Variants in OTOG observed in about 807,000 individuals in gnomAD.
The protein encoded by OTOG is otogelin.
OTOG carries 296 observed loss-of-function variants against 313.8 expected under a neutral mutation model. The observed-to-expected ratio is 0.94, with a 90% CI of 0.86 to 1.04. OTOG has a LOEUF of 1.04. OTOG is among the 50% of genes least tolerant of loss of function. The pLI, the probability that OTOG is intolerant of heterozygous loss-of-function variation, is 0.00. For missense variants in OTOG, 3,948 were observed against 3,840.1 expected (o/e 1.03, Z -0.74); for synonymous variants, 1,533 against 1,554.9 (o/e 0.99, Z 0.33).
intron 39 of OTOG, among the ~76,000 whole-genome samples, chr11:17,617,412 T>A (rs1259840599): frequency 6.6e-6 from 1 of 152,236 alleles, no homozygotes; most frequent in East Asian, 1.9e-4. Flanking sequence ...TTTGGTAGAA[T>A]TCAACAGTGA....
At chr11:17,570,018 C>A (rs767100563) in intron 16 of OTOG, among the ~76,000 whole-genome samples, 195 bp from the exon 17 acceptor site, 71 of 152,198 alleles carry the variant, frequency 4.7e-4, no homozygotes, top group Non-Finnish European at 7.8e-4. Context: ...ATCTCTGGGT[C>A]CTGATTTCAT....
At position 17,640,788 on chromosome 11, in the gene OTOG, A is replaced by G; in HGVS notation, c.7979A>G (p.Glu2660Gly). Reference protein sequence around the residue: ...QLDEEFMHSVENVCGCAKYEC... With the variant: ...QLDEEFMHSVGNVCGCAKYEC... ...GATGAGGAGTTCATGCACAGCGTGG[A>G]GAATGTGTGTGGCTGCGCCAAGTAC... Residue 2660 changes from glutamate (E) to glycine (G), a missense_variant, in exon 50 of 56, where the codon GAG becomes GGG. By Grantham distance (98) the Glu-to-Gly change is moderately conservative. Transcript: ENST00000399397. 1 of 1,550,268 alleles carries G rather than the reference A, an allele frequency of 6.5e-7. No homozygotes were observed. Among genetic ancestry groups the G allele is most frequent in the Non-Finnish European group, 8.7e-7 (1 of 1,147,008 alleles).
At chr11:17,568,832 G>C (rs1212125848) in intron 15 of OTOG, among the ~76,000 whole-genome samples, 1 of 152,200 alleles carries the variant, frequency 6.6e-6, no homozygotes, top group Non-Finnish European at 1.5e-5. Flanking sequence ...GATGAGGTGG[G>C]GGAGGCCAGT....
Position 17,595,911 on chromosome 11 carries a change from G to A in OTOG, c.3409-127G>A, listed in dbSNP as rs1853086764. The A allele has an allele frequency of 8.7e-6, 6 of 690,354 alleles. No homozygotes were observed. In the East Asian group the frequency reaches 1.6e-4, roughly 19 times the overall value. 42.8% of individuals were successfully genotyped at this position (690,354 alleles called of 1,614,324 possible). ...AGGTCCCTTCTACACTCAAGGGGAG[G>A]AGATTTTACAAGGACCTGAATATCA... is the stretch of plus-strand genomic sequence containing the variant. On this transcript the variant is annotated intron_variant, in intron 28 of 55. Coordinates refer to ENST00000399397, the MANE Select transcript of OTOG (RefSeq NM_001292063.2).
chr11:17,572,500 C>T (rs1590010912), intron 18 of OTOG, among the ~76,000 whole-genome samples: 1 of 152,104 alleles, frequency 6.6e-6, no homozygotes. Flanking sequence ...TCTGCCCATG[C>T]CCCCCTTCTC....
chr11:17,554,771 T>C (rs1852018278), intron 6 of OTOG, among the ~76,000 whole-genome samples: 1 of 152,258 alleles, frequency 6.6e-6, no homozygotes, highest in South Asian at 2.1e-4. Context: ...TCATGATGGA[T>C]ATGTTACAAT....
rs1289063525 is a variant in OTOG, at chr11:17,573,191, T to C, written c.2194T>C (p.Cys732Arg). ...FEQCRRDACR[C>R]GQPCLCATLA... ...GCAGTGCCGCAGGGATGCCTGCCGC[T>C]GCGGGCAGCCCTGCCTGTGCGCCAC... The change falls in exon 19 of 56, where the codon TGC (cysteine) becomes CGC (arginine). Residue 732 changes from cysteine (C) to arginine (R), a missense_variant. By Grantham distance (180) the Cys-to-Arg change is radical (BLOSUM62 -3). Transcript: ENST00000399397. 2.1e-5 allele frequency: 32 copies of C among 1,539,828 alleles called. No individual in the cohort carries two copies. The highest frequency in any genetic ancestry group is 2.7e-5 in the Non-Finnish European group (31 of 1,146,780).
Position 17,558,523 on chromosome 11 carries a change from G to T in OTOG, c.997-15G>T, listed in dbSNP as rs1044005163. ...TTGCCAGCCCCTAGCCCTGGCTCCT[G>T]GTCCCTTGCTCTAGGGCGTGTACGA... On this transcript the variant is annotated splice_polypyrimidine_tract_variant and intron_variant, in intron 9 of 55. Coordinates refer to ENST00000399397, the MANE Select transcript of OTOG (RefSeq NM_001292063.2). 1 of 1,550,146 alleles carries T rather than the reference G, an allele frequency of 6.5e-7. No individual in the cohort carries two copies. The highest frequency in any genetic ancestry group is 1.4e-5 in the African/African-American group (1 of 73,050).
Position 17,641,955 on chromosome 11 carries a change from A to G in OTOG, c.8295+4A>G. The G allele has an allele frequency of 3.2e-6, 5 of 1,549,616 alleles. No individual in the cohort carries two copies. The highest frequency in any genetic ancestry group is 4.4e-6 in the Non-Finnish European group (5 of 1,146,428). On this transcript the variant is annotated splice_donor_region_variant and intron_variant, in intron 52 of 55. Coordinates refer to ENST00000399397, the MANE Select transcript of OTOG (RefSeq NM_001292063.2). ...TGGCACCACCTCCCTGTTCTTGGTA[A>G]GCAGCCCCCTCGCTGCCCACTTAGG...
chr11:17,610,947 C>A lies in OTOG; in HGVS notation c.5647C>A (p.Pro1883Thr). 1 of 1,550,490 alleles carries A rather than the reference C, an allele frequency of 6.4e-7. No homozygotes were observed. Among genetic ancestry groups the A allele is most frequent in the Non-Finnish European group, 8.7e-7 (1 of 1,146,974 alleles). ...AGGCCTGCTGCTGGGAGCCACATTG[C>A]CAACCTCTGGAGTCCTGCCTGTGGC... Reference protein sequence around the residue: ...APGLLLGATLPTSGVLPVAEG... With the variant: ...APGLLLGATLTTSGVLPVAEG... Residue 1883 changes from proline (P) to threonine (T), a missense_variant, in exon 36 of 56, where the codon CCA becomes ACA. Coordinates refer to ENST00000399397, the MANE Select transcript of OTOG (RefSeq NM_001292063.2).
chr11:17,604,954 C>T (rs1310493721), intron 32 of OTOG, among the ~76,000 whole-genome samples: 2 of 152,242 alleles, frequency 1.3e-5, no homozygotes, highest in African/African-American at 4.8e-5. Flanking sequence ...GACAGGGACA[C>T]TATCGTCCCT....
chr11:17,643,801 G>A (rs977329186), intron 54 of OTOG, among the ~76,000 whole-genome samples: 9 of 152,290 alleles, frequency 5.9e-5, no homozygotes, highest in Non-Finnish European at 1.0e-4. Context: ...CAGTTACTTC[G>A]CCTCCTCCTG....
chr11:17,638,524 C>A lies in OTOG; in HGVS notation c.7869C>A (p.Asp2623Glu), dbSNP rs964093864. 1.9e-6 allele frequency: 3 copies of A among 1,550,374 alleles called. No individual in the cohort carries two copies. Among genetic ancestry groups the A allele is most frequent in the African/African-American group, 2.7e-5 (2 of 73,042 alleles). ...CCCTGGTGGAGGTGTGGAGCCCCGA[C>A]CGCTGCTGCCCCTACAAATCCTGTG... is the stretch of plus-strand genomic sequence containing the variant. ...GTALVEVWSP[D>E]RCCPYKSCEC... Residue 2623 changes from aspartate (D) to glutamate (E), a missense_variant, in exon 48 of 56, where the codon GAC becomes GAA. Asp to Glu is a conservative substitution (Grantham distance 45). Transcript: ENST00000399397.
chr11:17,634,383 G>C (rs1176908647), intron 44 of OTOG, 102 bp downstream of exon 44: 3 of 1,282,248 alleles, frequency 2.3e-6, no homozygotes, highest in Non-Finnish European at 3.2e-6. Context: ...CCTAGGAAAA[G>C]CAAAGTGTCT....
rs1854131070 is a variant in OTOG at position 17,631,707 on chromosome 11, T to A, written c.6718T>A (p.Cys2240Ser). Reference protein sequence around the residue: ...KAQGHGLCGICDGDAANDLTL... With the variant: ...KAQGHGLCGISDGDAANDLTL... Reference sequence around the variant, plus strand: ...GATTGTTTGGCCCCTTTCAGGTATCTGTGATGGAGATGCAGCCAATGACCT... The same window carrying A: ...GATTGTTTGGCCCCTTTCAGGTATCAGTGATGGAGATGCAGCCAATGACCT... The change falls in exon 41 of 56, where the codon TGT becomes AGT. Residue 2240 changes from cysteine to serine, a missense_variant. By Grantham distance (112) the Cys-to-Ser change is moderately radical. Transcript: ENST00000399397. The A allele has an allele frequency of 6.5e-7, 1 of 1,549,862 alleles. No individual in the cohort carries two copies.
chr11:17,587,493 G>C (rs1009472417), intron 24 of OTOG, among the ~76,000 whole-genome samples: 2 of 152,222 alleles, frequency 1.3e-5, no homozygotes, highest in African/African-American at 2.4e-5. Context: ...GGGCCCAGCA[G>C]AGAAGCTCAG....
intron 11 of OTOG, 34 bp from the exon 12 acceptor site, chr11:17,559,500 G>C: frequency 6.5e-7 from 1 of 1,550,326 alleles, no homozygotes; most frequent in Non-Finnish European, 8.7e-7. Context: ...GCTGGGGCCA[G>C]TAGCTGAGAG....
chr11:17,618,342 A>T (rs1853775743), intron 39 of OTOG, among the ~76,000 whole-genome samples: 1 of 152,134 alleles, frequency 6.6e-6, no homozygotes. Context: ...TTTTTATTTG[A>T]CCCATGAATT....
At chr11:17,601,011 C>T (rs1853236477) in intron 31 of OTOG, among the ~76,000 whole-genome samples, 1 of 152,238 alleles carries the variant, frequency 6.6e-6, no homozygotes, top group Non-Finnish European at 1.5e-5. Context: ...GTGTTTCTAA[C>T]TCCACATTCA....
Sources: gnomAD v4.1 joint callset for allele counts (sites outside exome capture counted in the v4.1 genomes callset) on GRCh38, gnomAD v4.1.1 for gene constraint, MANE v1.5 for transcripts, NCBI Gene and HGNC (gene_info 2026-07-23, HGNC 2026-07-21) for gene names.